Variants in RBFOX1 observed in about 807,000 individuals in gnomAD.
RBFOX1 encodes RNA binding fox-1 homolog 1, also known as RNA binding protein fox-1 homolog 1.
A neutral mutation model predicts 57.7 loss-of-function variants in RBFOX1; 8 were observed. That is an observed-to-expected ratio of 0.14 (90% CI 0.08 to 0.25). RBFOX1 has a LOEUF of 0.25. RBFOX1 is among the 10% of genes least tolerant of loss of function. RBFOX1 has a pLI of 1.00. For missense variants in RBFOX1, 611 were observed against 548.5 expected, an observed-to-expected ratio of 1.11 and a Z score of -1.14; for synonymous variants, 326 against 222.4, an observed-to-expected ratio of 1.47 and a Z score of -4.15.
chr16:7,395,277 A>G (rs945544373), intron 4 of RBFOX1, among the ~76,000 whole-genome samples: 2 of 152,184 alleles, frequency 1.3e-5, no homozygotes, highest in Non-Finnish European at 2.9e-5. Context: ...GGAGCCCCCA[A>G]CACACCTGTC....
chr16:6,376,229 TTCCTGCTTATG>T (rs2091157614), intron 2 of RBFOX1, among the ~76,000 whole-genome samples: 1 of 152,170 alleles, frequency 6.6e-6, no homozygotes, highest in African/African-American at 2.4e-5. Flanking sequence ...GTCATTTATG[TTCCTGCTTATG>T]TCCTATAGCC....
intron 1 of RBFOX1, among the ~76,000 whole-genome samples, chr16:6,264,267 G>T (rs1193862402): frequency 6.6e-6 from 1 of 152,132 alleles, no homozygotes; most frequent in African/African-American, 2.4e-5. Flanking sequence ...GAGGTCCAAG[G>T]AAGTATGCAA....
chr16:5,558,651 G>C (rs1282283116), intron 2 of RBFOX1, among the ~76,000 whole-genome samples: 1 of 152,134 alleles, frequency 6.6e-6, no homozygotes, highest in Non-Finnish European at 1.5e-5. Flanking sequence ...TCTTGAGCAA[G>C]CTCCATGGCT....
At chr16:6,017,781 G>A (rs2095005040), upstream of RBFOX1, among the ~76,000 whole-genome samples, 1 of 152,194 alleles carries the variant, frequency 6.6e-6, no homozygotes, top group Admixed American at 6.5e-5. Context: ...AACCCTTAAG[G>A]AATCTGCTCC....
At position 6,911,682 on chromosome 16, in the gene RBFOX1, C is replaced by G. The variant is rs534940551; in HGVS notation, c.-15-140375C>G. On this transcript the variant is annotated intron_variant, in intron 3 of 15. Coordinates refer to ENST00000550418, the MANE Select transcript of RBFOX1 (RefSeq NM_018723.4). ...GGTGGGAACAAAGTTCAATCCATAG[C>G]AGACAGGCAATTCTTTTTACCTGCT... Among the ~76,000 whole-genome samples, 4 of 152,314 alleles carry G rather than the reference C, an allele frequency of 2.6e-5. No individual in the cohort carries two copies. In the East Asian group the frequency reaches 7.7e-4, roughly 29 times the overall value.
chr16:7,450,342 C>T (rs572100948), intron 4 of RBFOX1, among the ~76,000 whole-genome samples: 108 of 139,788 alleles, frequency 7.7e-4, no homozygotes, highest in Admixed American at 5.1e-3. Flanking sequence ...TGCAGTGAGC[C>T]GCAATCGCGC....
intron 4 of RBFOX1, among the ~76,000 whole-genome samples, chr16:7,354,726 C>T (rs1342171089): frequency 1.3e-5 from 2 of 152,146 alleles, no homozygotes; most frequent in African/African-American, 4.8e-5. Context: ...CCACTAGTCA[C>T]GTGTCTCTAT....
At chr16:7,306,795 T>C (rs1433484664) in intron 4 of RBFOX1, among the ~76,000 whole-genome samples, 3 of 152,230 alleles carry the variant, frequency 2.0e-5, no homozygotes, top group African/African-American at 7.2e-5. Flanking sequence ...AAGTCACTTA[T>C]TTTATTTAGC....
intron 4 of RBFOX1, among the ~76,000 whole-genome samples, chr16:7,482,975 A>C (rs1415874365): frequency 6.6e-6 from 1 of 152,116 alleles, no homozygotes; most frequent in African/African-American, 2.4e-5. Context: ...GGAGATCTGA[A>C]AATGTGCCTA....
At chr16:6,196,466 C>G (rs896555047) in intron 1 of RBFOX1, among the ~76,000 whole-genome samples, 1 of 152,086 alleles carries the variant, frequency 6.6e-6, no homozygotes, top group African/African-American at 2.4e-5. Flanking sequence ...ATACAGTAGA[C>G]AATAAATCTG....
At chr16:6,707,762 T>G (rs932084473) in intron 3 of RBFOX1, among the ~76,000 whole-genome samples, 1 of 152,176 alleles carries the variant, frequency 6.6e-6, no homozygotes, top group Non-Finnish European at 1.5e-5. Flanking sequence ...TTAGTAGCCG[T>G]GTAGGAGACC....
intron 1 of RBFOX1, among the ~76,000 whole-genome samples, chr16:5,405,550 C>T (rs1050169522): frequency 6.6e-6 from 1 of 152,114 alleles, no homozygotes; most frequent in Non-Finnish European, 1.5e-5. Context: ...TCTTTATTAG[C>T]TGCGTGAGAA....
intron 11 of RBFOX1, among the ~76,000 whole-genome samples, chr16:7,646,303 T>C (rs1472212424): frequency 6.6e-6 from 1 of 152,244 alleles, no homozygotes; most frequent in East Asian, 1.9e-4. Flanking sequence ...TTACCTATTA[T>C]GCCACTTCTT....
chr16:7,013,533 G>C (rs1341112918), intron 3 of RBFOX1, among the ~76,000 whole-genome samples: 1 of 152,184 alleles, frequency 6.6e-6, no homozygotes, highest in Non-Finnish European at 1.5e-5. Context: ...GCAAAGAATT[G>C]TCTGTATCAA....
At chr16:5,407,786 C>T (rs752294096) in intron 1 of RBFOX1, among the ~76,000 whole-genome samples, 20 of 152,152 alleles carry the variant, frequency 1.3e-4, no homozygotes, top group Non-Finnish European at 2.1e-4. Context: ...TGACCTCAAA[C>T]GATCCAACTG....
chr16:7,580,421 A>G (rs1236466570), intron 6 of RBFOX1, among the ~76,000 whole-genome samples: 1 of 152,196 alleles, frequency 6.6e-6, no homozygotes, highest in Non-Finnish European at 1.5e-5. Context: ...CATAAAGCTG[A>G]TTTTAGCAAA....
chr16:7,025,655 C>G (rs932739891), intron 3 of RBFOX1, among the ~76,000 whole-genome samples: 8 of 152,142 alleles, frequency 5.3e-5, no homozygotes, highest in African/African-American at 1.4e-4. Flanking sequence ...AGGGGGGCAC[C>G]TCTTCATCAG....
intron 3 of RBFOX1, among the ~76,000 whole-genome samples, chr16:5,627,902 C>A (rs1021743932): frequency 1.3e-5 from 2 of 152,140 alleles, no homozygotes; most frequent in Non-Finnish European, 2.9e-5. Flanking sequence ...GGTCCTGGAA[C>A]AAATCCCTCA....
At chr16:6,091,949 G>A (rs114226575) in intron 1 of RBFOX1, among the ~76,000 whole-genome samples, 2 of 152,110 alleles carry the variant, frequency 1.3e-5, no homozygotes, top group Non-Finnish European at 2.9e-5. Flanking sequence ...CCATCTATCT[G>A]TCCATCTACC....
Sources: gnomAD v4.1 joint callset for allele counts (sites outside exome capture counted in the v4.1 genomes callset) on GRCh38, gnomAD v4.1.1 for gene constraint, MANE v1.5 for transcripts, NCBI Gene and HGNC (gene_info 2026-07-23, HGNC 2026-07-21) for gene names.